EYS: variants seen among roughly 807,000 people sequenced by gnomAD.
EYS encodes EGF-like photoreceptor maintenance factor, also known as protein eyes shut homolog.
EYS carries 250 observed loss-of-function variants against 282.1 expected under a neutral mutation model. That is an observed-to-expected ratio of 0.89 (90% CI 0.80 to 0.98). The LOEUF (loss-of-function observed/expected upper bound fraction) is 0.98, where lower values mean the gene tolerates loss of function less well. EYS is among the 50% of genes least tolerant of loss of function. The pLI is 0.00. For synonymous variants in EYS, 1,355 were observed against 1,282.9 expected, an observed-to-expected ratio of 1.06 and a Z score of -1.20; for missense variants, 4,016 against 3,709.0, an observed-to-expected ratio of 1.08 and a Z score of -2.15.
chr6:65,142,604 A>G (rs1345514046), intron 12 of EYS, among the ~76,000 whole-genome samples: 1 of 151,644 alleles, frequency 6.6e-6, no homozygotes, highest in East Asian at 1.9e-4. Context: ...GGCCACATAG[A>G]ATCACTCTGT....
At chr6:65,266,393 C>T (rs1458634776) in intron 12 of EYS, among the ~76,000 whole-genome samples, 3 of 151,810 alleles carry the variant, frequency 2.0e-5, no homozygotes, top group South Asian at 2.1e-4. Context: ...GAAGGCGGAA[C>T]TCCATATACT....
At chr6:64,645,309 T>A (rs533842514) in intron 22 of EYS, among the ~76,000 whole-genome samples, 1 of 152,308 alleles carries the variant, frequency 6.6e-6, no homozygotes, top group Non-Finnish European at 1.5e-5. Context: ...AAGATTTCAA[T>A]AAGGTGCTTA....
At chr6:64,186,492 C>A (rs1349855483) in intron 31 of EYS, among the ~76,000 whole-genome samples, 3 of 152,112 alleles carry the variant, frequency 2.0e-5, no homozygotes, top group Admixed American at 6.6e-5. Flanking sequence ...CAGCCTCTAG[C>A]ACCTAATTCA....
chr6:64,903,327 A>G (rs1767724638), intron 16 of EYS, among the ~76,000 whole-genome samples: 1 of 152,168 alleles, frequency 6.6e-6, no homozygotes, highest in Non-Finnish European at 1.5e-5. Flanking sequence ...CAGCCACATT[A>G]CACAATATTC....
chr6:64,550,590 A>G (rs1765042364), intron 26 of EYS, among the ~76,000 whole-genome samples: 1 of 152,154 alleles, frequency 6.6e-6, no homozygotes, highest in Admixed American at 6.5e-5. Flanking sequence ...TATTCAACAT[A>G]ATGTTGGAAG....
chr6:63,791,923 C>A (rs1423240414), intron 37 of EYS, among the ~76,000 whole-genome samples: 1 of 151,996 alleles, frequency 6.6e-6, no homozygotes, highest in African/African-American at 2.4e-5. Context: ...AAGGTAGTGA[C>A]AGAGGGGTCA....
chr6:64,150,211 A>G (rs59138547), intron 31 of EYS, among the ~76,000 whole-genome samples: 3,773 of 152,306 alleles, frequency 0.025, 147 homozygotes, highest in African/African-American at 0.086. Flanking sequence ...ACATCTCCAG[A>G]TGATTCTTAA....
Position 65,506,460 on chromosome 6 carries a change from C to CTTTTTTTTTTTTTTTTTTT in EYS, c.-332-10486_-332-10468dup, listed in dbSNP as rs58326040. Among the ~76,000 whole-genome samples, 14 of 64,892 alleles carry CTTTTTTTTTTTTTTTTTTT rather than the reference C, an allele frequency of 2.2e-4. 1 individual carries two copies. Among genetic ancestry groups the CTTTTTTTTTTTTTTTTTTT allele is most frequent in the South Asian group, 6.8e-4 (1 of 1,468 alleles). 42.6% of individuals were successfully genotyped at this position (64,892 alleles called of 152,430 possible). On this transcript the variant is annotated intron_variant, in intron 2 of 42. Transcript: ENST00000503581. ...GGTTTACAATATCCTTCCTTCCTTT[C>CTTTTTTTTTTTTTTTTTTT]TTTTTTTTTTTTTTTTTTTTTTTTT... is the stretch of plus-strand genomic sequence containing the variant.
intron 22 of EYS, among the ~76,000 whole-genome samples, chr6:64,748,357 C>A (rs1002461036): frequency 6.6e-6 from 1 of 152,192 alleles, no homozygotes; most frequent in East Asian, 1.9e-4. Flanking sequence ...TTTCCACAGA[C>A]AGGGTGAGGA....
At chr6:64,569,720 G>A (rs574616213) in intron 26 of EYS, among the ~76,000 whole-genome samples, 1 of 151,476 alleles carries the variant, frequency 6.6e-6, no homozygotes, top group Non-Finnish European at 1.5e-5. Flanking sequence ...CAGCCTGGGC[G>A]ACAGAGTGAG....
Position 64,591,133 on chromosome 6 carries a change from T to A in EYS, c.4734A>T (p.Lys1578Asn). 6.4e-7 allele frequency: 1 copy of A among 1,551,298 alleles called. No individual in the cohort carries two copies. The highest frequency in any genetic ancestry group is 8.7e-7 in the Non-Finnish European group (1 of 1,146,778). Reference protein sequence around the residue: ...REFSDQVLHSKQSHFYETFWM... With the variant: ...REFSDQVLHSNQSHFYETFWM... ...AGAATGTCTCATAAAAGTGGGACTG[T>A]TTGCTATGCAAAACTTGATCTGAGA... Residue 1578 changes from lysine to asparagine, a missense_variant, in exon 26 of 43, where the codon AAA becomes AAT. Lys to Asn is a moderately conservative substitution (Grantham distance 94). Transcript: ENST00000503581.
intron 2 of EYS, among the ~76,000 whole-genome samples, chr6:65,584,797 A>G (rs764802101): frequency 1.2e-4 from 18 of 151,518 alleles, no homozygotes; most frequent in Admixed American, 2.0e-4. Flanking sequence ...CTTCTAAAGC[A>G]TGAATAATAT....
Position 64,675,931 on chromosome 6 carries a change from C to T in EYS, c.3444-49686G>A, listed in dbSNP as rs1173955104. Among the ~76,000 whole-genome samples, 3 of 150,326 alleles carry T rather than the reference C, an allele frequency of 2.0e-5. No individual in the cohort carries two copies. The East Asian group carries it at 6.0e-4, about 30-fold the overall frequency. ...AGATTAAATGGCTCTCTCTCTCTCCCTCTTTATATATATCTAGATATATCT... is the reference window on the plus strand; with the variant it reads ...AGATTAAATGGCTCTCTCTCTCTCCTTCTTTATATATATCTAGATATATCT... On this transcript the variant is annotated intron_variant, in intron 22 of 42. Coordinates refer to ENST00000503581, the MANE Select transcript of EYS (RefSeq NM_001142800.2).
chr6:64,545,274 C>T (rs1162391), intron 26 of EYS, among the ~76,000 whole-genome samples: 116,543 of 152,120 alleles, frequency 0.77, 45,612 homozygotes, highest in African/African-American at 0.94. Context: ...AAAAACCATA[C>T]GATTATCTCA....
In EYS at chr6:64,616,209, G is replaced by A. The variant is rs368892513; in HGVS notation, c.3684+1209C>T. On this transcript the variant is annotated intron_variant, in intron 24 of 42. Transcript: ENST00000503581. ...AATAAAAGACACATCTCAGTATTTT[G>A]CTCTTTATACTGACTCTTCGAGGAA... 3.9e-5 allele frequency among the ~76,000 whole-genome samples: 6 copies of A among 152,040 alleles called. No homozygotes were observed. The South Asian group carries it at 1.0e-3, about 26-fold the overall frequency.
At chr6:64,087,161 C>T (rs894829927) in intron 31 of EYS, among the ~76,000 whole-genome samples, 1 of 152,078 alleles carries the variant, frequency 6.6e-6, no homozygotes, top group Admixed American at 6.6e-5. Flanking sequence ...GTTGATTCTA[C>T]CATAGATATG....
At chr6:63,775,493 TGTTA>T (rs1410388299) in intron 40 of EYS, among the ~76,000 whole-genome samples, 2 of 152,196 alleles carry the variant, frequency 1.3e-5, no homozygotes, top group Non-Finnish European at 2.9e-5. Context: ...TCATAAGGTG[TGTTA>T]GTTATTTTTC....
At chr6:63,972,393 T>C (rs1766618547) in intron 35 of EYS, among the ~76,000 whole-genome samples, 1 of 152,238 alleles carries the variant, frequency 6.6e-6, no homozygotes, top group Admixed American at 6.5e-5. Flanking sequence ...GTTAGTGGCA[T>C]ACTTAAGAGG....
intron 22 of EYS, among the ~76,000 whole-genome samples, chr6:64,747,587 C>A (rs1178638031): frequency 6.6e-6 from 1 of 152,086 alleles, no homozygotes; most frequent in African/African-American, 2.4e-5. Context: ...ACCATGTTGG[C>A]CAGGCTGGTC....
Sources: allele counts gnomAD v4.1 joint callset (sites outside exome capture counted in the v4.1 genomes callset), GRCh38; gene constraint gnomAD v4.1.1; transcripts MANE v1.5; gene names NCBI Gene and HGNC (gene_info 2026-07-23, HGNC 2026-07-21).